The following OTOGL variants were observed in gnomAD, a reference collection of about 807,000 sequenced individuals.
OTOGL encodes the protein otogelin like.
Under a neutral mutation model 318.5 loss-of-function variants are expected in OTOGL, and 285 were observed. That is an observed-to-expected ratio of 0.89 (90% CI 0.81 to 0.99). OTOGL has a LOEUF of 0.99. Ranked by LOEUF, OTOGL falls within the 50% of genes least tolerant of loss-of-function variation. The probability of loss-of-function intolerance (pLI) is 0.00; values close to 1 mark genes in which losing one functional copy is unlikely to be tolerated. For missense variants in OTOGL, 2,899 were observed against 2,845.6 expected (o/e 1.02, Z -0.43); for synonymous variants, 987 against 936.5 (o/e 1.05, Z -0.99).
chr12:80,219,753 A>G (rs1878107838), intron 5 of OTOGL, 61 bp from the exon 6 acceptor site: 6 of 1,061,776 alleles, frequency 5.7e-6, no homozygotes, highest in South Asian at 4.1e-5. Flanking sequence ...ATCTTGACAT[A>G]TTATGCTTAA....
chr12:80,358,713 C>A lies in OTOGL; in HGVS notation c.6164C>A (p.Ala2055Glu), dbSNP rs377647096. The change falls in exon 51 of 59, where the codon GCA becomes GAA. Residue 2055 changes from alanine (A) to glutamate (E), a missense_variant. Transcript: ENST00000547103. The stretch of plus-strand genomic sequence containing the variant: ...TGTCCTATGCCATTACTCAACTGTG[C>A]AGAAGATATGAATCTTGTGAAAGAA... ...NLCPMPLLNC[A>E]EDMNLVKENV... The A allele has an allele frequency of 1.9e-6, 3 of 1,613,094 alleles. No homozygotes were observed. In the African/African-American group the frequency reaches 4.0e-5, roughly 22 times the overall value.
chr12:80,248,260 C>G (rs1269197543), intron 11 of OTOGL, among the ~76,000 whole-genome samples: 1 of 147,310 alleles, frequency 6.8e-6, no homozygotes, highest in Non-Finnish European at 1.5e-5. Flanking sequence ...TTCCTAGTCT[C>G]GATGGTCTTT....
At position 80,379,691 on chromosome 12, in the gene OTOGL, A is replaced by T. The variant is rs910964610; in HGVS notation, c.*1643A>T. On this transcript the variant is annotated 3_prime_UTR_variant, in exon 59 of 59. Coordinates refer to ENST00000547103, the MANE Select transcript of OTOGL (RefSeq NM_001378609.3). ...TAATGTTGTATATTATCTATTGCCC[A>T]TTTTTATTTCCATTTTCTGTAAAAT... 1 of 151,954 alleles carries T rather than the reference A, an allele frequency of 6.6e-6. No individual in the cohort carries two copies. Among genetic ancestry groups the T allele is most frequent in the Non-Finnish European group, 1.5e-5 (1 of 67,868 alleles). The allele number at this position is 151,954 out of a possible 1,614,324, so 9.4% of individuals were successfully genotyped here. A position where few individuals can be genotyped will look rare whatever the true frequency, so the allele number is the denominator to read the frequency against.
intron 37 of OTOGL, 42 bp from the exon 38 acceptor site, chr12:80,332,963 A>C (rs1236636776): frequency 6.8e-7 from 1 of 1,460,636 alleles, no homozygotes; most frequent in Admixed American, 1.9e-5. Context: ...ATGCAAGATA[A>C]ATGCATTCCA....
chr12:80,174,376 A>G (rs917733752), intron 1 of OTOGL, among the ~76,000 whole-genome samples: 1 of 152,204 alleles, frequency 6.6e-6, no homozygotes, highest in Non-Finnish European at 1.5e-5. Flanking sequence ...CATTTTTACT[A>G]AAGACAAATC....
chr12:80,369,021 A>T (rs1237456505), intron 55 of OTOGL, among the ~76,000 whole-genome samples: 1 of 151,822 alleles, frequency 6.6e-6, no homozygotes, highest in African/African-American at 2.4e-5. Flanking sequence ...GGAGGAAAAA[A>T]ATATATATAT....
chr12:80,110,428 G>A (rs546909562), intron 1 of OTOGL, among the ~76,000 whole-genome samples: 10 of 152,052 alleles, frequency 6.6e-5, no homozygotes, highest in South Asian at 4.2e-4. Context: ...GAAAGGCCCC[G>A]GTGTGTGATG....
intron 1 of OTOGL, among the ~76,000 whole-genome samples, chr12:80,144,356 T>C (rs1872180653): frequency 6.6e-6 from 1 of 151,600 alleles, no homozygotes. Flanking sequence ...ATTTCCAATT[T>C]CATCCATGTC....
At chr12:80,215,163 A>C in intron 4 of OTOGL, among the ~76,000 whole-genome samples, 1 of 149,820 alleles carries the variant, frequency 6.7e-6, no homozygotes, top group South Asian at 2.1e-4. Flanking sequence ...CATGTTTACA[A>C]GTCTTTTTTT....
intron 44 of OTOGL, among the ~76,000 whole-genome samples, chr12:80,346,585 T>C (rs2137971784): frequency 6.6e-6 from 1 of 152,268 alleles, no homozygotes; most frequent in Non-Finnish European, 1.5e-5. Context: ...TATAAGAACC[T>C]TTCAGTGTCC....
At chr12:80,161,700 G>GGGA (rs1251417259) in intron 1 of OTOGL, among the ~76,000 whole-genome samples, 2 of 152,080 alleles carry the variant, frequency 1.3e-5, no homozygotes, top group Non-Finnish European at 2.9e-5. Context: ...ACAAGATAGT[G>GGGA]GGAGGAGCAA....
chr12:80,191,510 G>C (rs905955067), intron 1 of OTOGL, among the ~76,000 whole-genome samples: 1 of 152,204 alleles, frequency 6.6e-6, no homozygotes, highest in Admixed American at 6.5e-5. Flanking sequence ...GACGAGCTAA[G>C]TGAATTTTTA....
At chr12:80,325,340 G>A (rs1392407260) in intron 35 of OTOGL, among the ~76,000 whole-genome samples, 3 of 152,194 alleles carry the variant, frequency 2.0e-5, no homozygotes, top group Non-Finnish European at 2.9e-5. Flanking sequence ...TTAATACATT[G>A]GGAAATGGCC....
chr12:80,253,390 G>A (rs2137507831), intron 13 of OTOGL, 76 bp from the exon 14 acceptor site: 2 of 1,358,982 alleles, frequency 1.5e-6, no homozygotes, highest in East Asian at 2.4e-5. Context: ...ACAGAAGTTG[G>A]TTGAATTATT....
At chr12:80,149,920 G>A (rs1340870887) in intron 1 of OTOGL, among the ~76,000 whole-genome samples, 5 of 152,128 alleles carry the variant, frequency 3.3e-5, no homozygotes, top group African/African-American at 4.8e-5. Context: ...GCTCATGCAC[G>A]GTGCGCGCAC....
chr12:80,342,161 A>T lies in OTOGL; in HGVS notation c.5264A>T (p.Lys1755Ile), dbSNP rs1432879429. ...NRRIFIPCHD[K>I]VSPEDFCEKM... ...AGAATTTTCATTCCATGTCATGATAAAGTAAGTTGGAAGCAACCATAAATA... is the reference window on the plus strand; with the variant it reads ...AGAATTTTCATTCCATGTCATGATATAGTAAGTTGGAAGCAACCATAAATA... Residue 1755 changes from lysine (K) to isoleucine (I), a missense_variant and splice_region_variant, in exon 44 of 59, where the codon AAA (lysine) becomes ATA (isoleucine). Transcript: ENST00000547103. 6.4e-7 allele frequency: 1 copy of T among 1,561,356 alleles called. No individual in the cohort carries two copies. Among genetic ancestry groups the T allele is most frequent in the Non-Finnish European group, 8.7e-7 (1 of 1,148,694 alleles).
At chr12:80,162,200 C>A (rs940281276) in intron 1 of OTOGL, among the ~76,000 whole-genome samples, 1 of 152,128 alleles carries the variant, frequency 6.6e-6, no homozygotes, top group Admixed American at 6.6e-5. Flanking sequence ...AAATAGACAT[C>A]TATCCTTTTC....
rs1197070232 is a variant in OTOGL, at chr12:80,302,556, T to A, written c.3064-78T>A. On this transcript the variant is annotated intron_variant, in intron 27 of 58. Coordinates refer to ENST00000547103, the MANE Select transcript of OTOGL (RefSeq NM_001378609.3). ...TAGTACATAAATAGTTGTTGGTAAA[T>A]GTTAACTAAACTAATTTGATATATT... The A allele has an allele frequency of 6.2e-6, 6 of 972,466 alleles. No individual in the cohort carries two copies. The South Asian group carries it at 1.8e-4, about 29-fold the overall frequency. The allele number at this position is 972,466 out of a possible 1,614,324, so 60.2% of individuals were successfully genotyped here.
rs1240960608 is a variant in OTOGL, at chr12:80,254,346, TTTA to T, written c.1395-169_1395-167del. ...ATTGAACTTATGCAGAGATGATTTT[TTTA>T]TTATTATTTATTGATTTTATTTATT... On this transcript the variant is annotated intron_variant, in intron 14 of 58. Transcript: ENST00000547103. Among the ~76,000 whole-genome samples the T allele has an allele frequency of 1.3e-4, 17 of 131,962 alleles. No homozygotes were observed. The East Asian group carries it at 1.5e-3, about 12-fold the overall frequency. The allele number at this position is 131,962 out of a possible 152,430, so 86.6% of individuals were successfully genotyped here.
Sources: gnomAD v4.1 joint callset for allele counts (sites outside exome capture counted in the v4.1 genomes callset) on GRCh38, gnomAD v4.1.1 for gene constraint, MANE v1.5 for transcripts, NCBI Gene and HGNC (gene_info 2026-07-23, HGNC 2026-07-21) for gene names.